Variants in TLE6 observed in about 807,000 individuals in gnomAD.
TLE6 encodes transducin-like enhancer protein 6.
In TLE6, 72 loss-of-function variants were observed where a neutral mutation model predicts 77.1. The observed-to-expected ratio is 0.93, with a 90% CI of 0.77 to 1.14. The LOEUF (loss-of-function observed/expected upper bound fraction) is 1.14, where lower values mean the gene tolerates loss of function less well. TLE6 is among the 50% of genes most tolerant of loss of function. TLE6 has a pLI of 0.00. For missense variants in TLE6, 843 were observed against 747.6 expected (o/e 1.13, Z -1.49); for synonymous variants, 366 against 287.3 (o/e 1.27, Z -2.77).
chr19:2,981,465 T>C, intron 3 of TLE6, 73 bp from the exon 4 acceptor site: 1 of 1,485,560 alleles, frequency 6.7e-7, no homozygotes, highest in South Asian at 1.2e-5. Context: ...CCCTAGGGGT[T>C]GAGGGTGGGG....
intron 5 of TLE6, among the ~76,000 whole-genome samples, chr19:2,985,302 T>C (rs951192031): frequency 7.2e-5 from 11 of 151,746 alleles, no homozygotes; most frequent in South Asian, 6.2e-4. Flanking sequence ...CCCCAGCAGG[T>C]AACCCTCAGT....
Position 2,995,062 on chromosome 19 carries a change from C to CT in TLE6, c.*58_*59insT, listed in dbSNP as rs1555687653. ...CTCTTTTCATCCCCCCCCTTCCCCC[C>CT]CCCCAACAAGGGGGACATGGTGGAG... On this transcript the variant is annotated 3_prime_UTR_variant, in exon 17 of 17. Transcript: ENST00000246112. The CT allele has an allele frequency of 2.9e-6, 3 of 1,029,388 alleles. No homozygotes were observed. Among genetic ancestry groups the CT allele is most frequent in the Non-Finnish European group, 4.4e-6 (3 of 686,890 alleles). The allele number at this position is 1,029,388 out of a possible 1,614,324, so 63.8% of individuals were successfully genotyped here.
rs1300185737 is a variant in TLE6 at position 2,991,425 on chromosome 19, C to CACACACAT, written c.1245-417_1245-416insCACACATA. Reference sequence around the variant, plus strand: ...ACACACACACACACACACACACACACATATATATAATATATGTATTTATAA... The same window carrying CACACACAT: ...ACACACACACACACACACACACACACACACACATATATATATAATATATGTATTTATAA... On this transcript the variant is annotated intron_variant, in intron 13 of 16. Transcript: ENST00000246112. Among the ~76,000 whole-genome samples, 197 of 135,514 alleles carry CACACACAT rather than the reference C, an allele frequency of 1.5e-3. 2 individuals carry two copies. The highest frequency in any genetic ancestry group is 5.2e-3 in the African/African-American group (183 of 35,044). 88.9% of individuals were successfully genotyped at this position (135,514 alleles called of 152,430 possible).
In TLE6 at chr19:2,986,970, C is replaced by T. The variant is rs1166792148; in HGVS notation, c.286-13C>T. 41 of 1,593,682 alleles carry T rather than the reference C, an allele frequency of 2.6e-5. No homozygotes were observed. Among genetic ancestry groups the T allele is most frequent in the Non-Finnish European group, 3.2e-5 (38 of 1,170,262 alleles). ...TCCTCAAAGCTCTCACTGCCTTGTT[C>T]CTGCCGGGCCAGGTCTCACCTGCTG... On this transcript the variant is annotated splice_polypyrimidine_tract_variant and intron_variant, in intron 6 of 16. Coordinates refer to ENST00000246112, the MANE Select transcript of TLE6 (RefSeq NM_001143986.2).
At chr19:2,987,996 G>A (rs2088955102) in intron 10 of TLE6, 22 bp downstream of exon 10, 4 of 1,603,762 alleles carry the variant, frequency 2.5e-6, no homozygotes, top group African/African-American at 2.7e-5. Context: ...GCCCGAGCTG[G>A]TAGCCCAGCG....
chr19:2,994,223 C>T, intron 16 of TLE6, 128 bp downstream of exon 16: 2 of 741,944 alleles, frequency 2.7e-6, no homozygotes, highest in Admixed American at 2.9e-5. Flanking sequence ...CGGCTTTAAT[C>T]CCAGCATTTT....
intron 13 of TLE6, among the ~76,000 whole-genome samples, chr19:2,991,391 T>TACACACAC (rs1362277911): frequency 2.6e-5 from 3 of 114,820 alleles, no homozygotes; most frequent in African/African-American, 7.4e-5. Context: ...TATATATATA[T>TACACACAC]ATATACACAC....
At chr19:2,982,076 C>A in intron 4 of TLE6, 72 bp from the exon 5 acceptor site, 1 of 1,494,724 alleles carries the variant, frequency 6.7e-7, no homozygotes, top group Non-Finnish European at 9.1e-7. Context: ...AGAGGTAGAG[C>A]AGCTTGCCCA....
rs991469054 is a variant in TLE6 at position 2,981,472 on chromosome 19, G to T, written c.135-66G>T. On this transcript the variant is annotated intron_variant, in intron 3 of 16. Coordinates refer to ENST00000246112, the MANE Select transcript of TLE6 (RefSeq NM_001143986.2). ...GAGACCCTCCCTAGGGGTTGAGGGT[G>T]GGGCTCACTCTGGGGAGGGAGTCCT... The T allele has an allele frequency of 2.2e-5, 33 of 1,517,890 alleles. No individual in the cohort carries two copies. In the African/African-American group the frequency reaches 4.2e-4, roughly 19 times the overall value. 94.0% of individuals were successfully genotyped at this position (1,517,890 alleles called of 1,614,324 possible).
chr19:2,993,609 A>T, intron 15 of TLE6, 27 bp downstream of exon 15: 1 of 1,531,320 alleles, frequency 6.5e-7, no homozygotes, highest in Admixed American at 2.0e-5. Flanking sequence ...AGATGAGGGG[A>T]CTCCCCTGCA....
chr19:2,993,346 C>T (rs1458279604), intron 14 of TLE6, 86 bp from the exon 15 acceptor site: 9 of 1,443,956 alleles, frequency 6.2e-6, no homozygotes, highest in Non-Finnish European at 8.3e-6. Flanking sequence ...ACCCGGCCTC[C>T]AGGATAGGTC....
At chr19:2,981,610 C>T (rs762523501) in intron 4 of TLE6, 27 bp downstream of exon 4, 62 of 1,550,914 alleles carry the variant, frequency 4.0e-5, no homozygotes, top group Non-Finnish European at 5.2e-5. Flanking sequence ...CAGCCCCAAC[C>T]AAGGAGGGCC....
chr19:2,985,883 C>G (rs2088897817), intron 5 of TLE6, among the ~76,000 whole-genome samples: 1 of 149,554 alleles, frequency 6.7e-6, no homozygotes, highest in African/African-American at 2.5e-5. Flanking sequence ...CAAGACCAGC[C>G]CGGCCAACAT....
rs181253682 is a variant in TLE6, at chr19:2,982,234, G to C, written c.222+45G>C. On this transcript the variant is annotated intron_variant, in intron 5 of 16. Transcript: ENST00000246112. Reference sequence around the variant, plus strand: ...GGGGTGCGGCTGTCCCTCCATGAAAGGCATGAGAAAGCACAGAGGGGGGCC... The same window carrying C: ...GGGGTGCGGCTGTCCCTCCATGAAACGCATGAGAAAGCACAGAGGGGGGCC... The C allele has an allele frequency of 1.4e-4, 224 of 1,549,800 alleles. No individual in the cohort carries two copies. In the African/African-American group the frequency reaches 2.9e-3, roughly 20 times the overall value.
At position 2,989,498 on chromosome 19, in the gene TLE6, G is replaced by A. The variant is rs773443263; in HGVS notation, c.994-37G>A. The A allele has an allele frequency of 1.7e-5, 27 of 1,591,288 alleles. No homozygotes were observed. In the Middle Eastern group the frequency reaches 8.9e-4, roughly 53 times the overall value. On this transcript the variant is annotated intron_variant, in intron 12 of 16. Transcript: ENST00000246112. Reference sequence around the variant, plus strand: ...CAAAGCAGTCCAGGCAGAATGCCACGGGGGGCGACAGCTCACAGTGACTCT... The same window carrying A: ...CAAAGCAGTCCAGGCAGAATGCCACAGGGGGCGACAGCTCACAGTGACTCT...
In TLE6 at chr19:2,988,113, G is replaced by A. The variant is rs760548952; in HGVS notation, c.725G>A (p.Arg242Gln). ...CAGGAGCCTCCTGGAAGAGCCTCTC[G>A]GTTTCTACAGTCCATGTAAGTGTCT... The part of the protein sequence containing the change: ...VVQEPPGRAS[R>Q]FLQSISWDPE... The change falls in exon 11 of 17, where the codon CGG (arginine) becomes CAG (glutamine). Residue 242 changes from arginine (R) to glutamine (Q), a missense_variant. Transcript: ENST00000246112. 31 of 1,551,774 alleles carry A rather than the reference G, an allele frequency of 2.0e-5. 1 individual carries two copies. The Admixed American group carries it at 3.9e-4, about 20-fold the overall frequency.
chr19:2,994,177 C>G, intron 16 of TLE6, 82 bp downstream of exon 16: 1 of 1,255,526 alleles, frequency 8.0e-7, no homozygotes, highest in Non-Finnish European at 1.1e-6. Context: ...CCTGTCTCCA[C>G]AAAAAACTTA....
rs530244407 is a variant in TLE6, at chr19:2,987,654, C to G, written c.559-70C>G. Reference sequence around the variant, plus strand: ...AGCTGACAAGCCCTGTGCAAGCTGCCCAGGAATCCGAGGTCTTCTGGTCCT... The same window carrying G: ...AGCTGACAAGCCCTGTGCAAGCTGCGCAGGAATCCGAGGTCTTCTGGTCCT... On this transcript the variant is annotated intron_variant, in intron 8 of 16. Coordinates refer to ENST00000246112, the MANE Select transcript of TLE6 (RefSeq NM_001143986.2). The G allele has an allele frequency of 1.9e-4, 295 of 1,560,366 alleles. 18 individuals are homozygous for G. In the South Asian group the frequency reaches 3.2e-3, roughly 17 times the overall value.
intron 13 of TLE6, among the ~76,000 whole-genome samples, chr19:2,991,395 T>TATATATATATATAC (rs1555686268): frequency 4.4e-5 from 5 of 114,122 alleles, no homozygotes; most frequent in African/African-American, 1.5e-4. Flanking sequence ...TATATATATA[T>TATATATATATATAC]ACACACACAC....
Sources: gnomAD v4.1 joint callset for allele counts (sites outside exome capture counted in the v4.1 genomes callset) on GRCh38, gnomAD v4.1.1 for gene constraint, MANE v1.5 for transcripts, NCBI Gene and HGNC (gene_info 2026-07-23, HGNC 2026-07-21) for gene names.